The following NCR2 variants were observed in gnomAD, a reference collection of about 807,000 sequenced individuals.
NCR2 encodes the protein NK cell activating receptor (NKp44).
NCR2 carries 35 observed loss-of-function variants against 30.7 expected under a neutral mutation model. That is an observed-to-expected ratio of 1.14 (90% CI 0.87 to 1.51). NCR2 has a LOEUF of 1.51. Ranked by LOEUF, NCR2 falls within the 40% of genes most tolerant of loss-of-function variation. The pLI, the probability that NCR2 is intolerant of heterozygous loss-of-function variation, is 0.00. For missense variants in NCR2, 316 were observed against 328.9 expected, an observed-to-expected ratio of 0.96 and a Z score of 0.30; for synonymous variants, 146 against 134.8, an observed-to-expected ratio of 1.08 and a Z score of -0.58.
intron 2 of NCR2, 137 bp from the exon 3 acceptor site, chr6:41,341,657 C>G (rs943318052): frequency 1.8e-6 from 2 of 1,137,400 alleles, no homozygotes; most frequent in African/African-American, 3.1e-5. Flanking sequence ...TCAGTCCCCA[C>G]CCCTCAAATT....
chr6:41,341,907 T>C lies in NCR2; in HGVS notation c.508T>C (p.Ser170Pro), dbSNP rs866969301. ...AGCCAGACAAGCCCCTGAGTCTCCATCTACCATCCCTGTCCCTTCACAGTG... is the reference window on the plus strand; with the variant it reads ...AGCCAGACAAGCCCCTGAGTCTCCACCTACCATCCCTGTCCCTTCACAGTG... The part of the protein sequence containing the change: ...AGARQAPESP[S>P]TIPVPSQPQN... Residue 170 changes from serine (S) to proline (P), a missense_variant, in exon 3 of 5, where the codon TCT becomes CCT. Physicochemically the swap from Ser to Pro is moderately conservative, Grantham distance 74 (BLOSUM62 -1). Coordinates refer to ENST00000373089, the MANE Select transcript of NCR2 (RefSeq NM_004828.4). 6.2e-7 allele frequency: 1 copy of C among 1,614,080 alleles called. No homozygotes were observed. The highest frequency in any genetic ancestry group is 1.1e-5 in the South Asian group (1 of 91,066).
chr6:41,347,876 A>G (rs962697475), intron 4 of NCR2, among the ~76,000 whole-genome samples: 3 of 152,138 alleles, frequency 2.0e-5, no homozygotes, highest in African/African-American at 7.2e-5. Context: ...AAGACGGTGC[A>G]TCCTCATGTG....
chr6:41,341,795 C>T lies in NCR2; in HGVS notation c.396C>T (p.Ala132=), dbSNP rs1769175129. Residue 132 remains alanine (A), a splice_region_variant and synonymous_variant, in exon 3 of 5, where the codon GCC becomes GCT. Transcript: ENST00000373089. ...CACGCTCTTTCTCCTCCCTGGCAGC[C>T]TCTGCCTCCACACAGACCTCCTGGA... ...SVRFYLVVSP[A]SASTQTSWTP... is the part of the protein sequence containing the mutation. 1.2e-6 allele frequency: 2 copies of T among 1,609,120 alleles called. No individual in the cohort carries two copies. The highest frequency in any genetic ancestry group is 1.1e-5 in the South Asian group (1 of 90,804).
intron 2 of NCR2, among the ~76,000 whole-genome samples, chr6:41,337,229 A>G (rs1769054929): frequency 6.6e-6 from 1 of 152,224 alleles, no homozygotes; most frequent in African/African-American, 2.4e-5. Context: ...AAAGATATAT[A>G]AAGTACAAGC....
At chr6:41,342,809 C>A in intron 4 of NCR2, 1 of 898,014 alleles carries the variant, frequency 1.1e-6, no homozygotes, top group South Asian at 1.6e-5. Flanking sequence ...GCAGGGACAA[C>A]TCAGTCAGGC....
chr6:41,339,567 A>G (rs1387862362), intron 2 of NCR2, among the ~76,000 whole-genome samples: 3 of 150,652 alleles, frequency 2.0e-5, no homozygotes, highest in African/African-American at 7.4e-5. Context: ...TTATATTTTT[A>G]CTAGAGATGG....
At chr6:41,344,705 T>A (rs1561943829) in intron 4 of NCR2, among the ~76,000 whole-genome samples, 1 of 152,258 alleles carries the variant, frequency 6.6e-6, no homozygotes, top group African/African-American at 2.4e-5. Flanking sequence ...CTTTCCATAT[T>A]TTCTATGTCC....
chr6:41,344,025 C>G (rs1038364673), intron 4 of NCR2, among the ~76,000 whole-genome samples: 1 of 152,180 alleles, frequency 6.6e-6, no homozygotes, highest in Non-Finnish European at 1.5e-5. Context: ...GCCTCCTCCC[C>G]CTTTCCAAGC....
At position 41,341,827 on chromosome 6, in the gene NCR2, G is replaced by C. The variant is rs142832518; in HGVS notation, c.428G>C (p.Arg143Pro). The C allele has an allele frequency of 1.9e-6, 3 of 1,612,616 alleles. No individual in the cohort carries two copies. Among genetic ancestry groups the C allele is most frequent in the South Asian group, 1.1e-5 (1 of 91,010 alleles). The change falls in exon 3 of 5, where the codon CGC (arginine) becomes CCC (proline). Residue 143 changes from arginine (R) to proline (P), a missense_variant. Arg to Pro is a moderately radical substitution (Grantham distance 103). Coordinates refer to ENST00000373089, the MANE Select transcript of NCR2 (RefSeq NM_004828.4). ...SASTQTSWTP[R>P]DLVSSQTQTQ... is the part of the protein sequence containing the mutation. ...TCCACACAGACCTCCTGGACTCCCC[G>C]CGACCTGGTCTCTTCACAGACCCAG...
intron 4 of NCR2, among the ~76,000 whole-genome samples, chr6:41,343,706 A>C (rs1316973493): frequency 1.3e-5 from 2 of 152,200 alleles, no homozygotes; most frequent in Admixed American, 1.3e-4. Context: ...GTAAAAGGTT[A>C]AAGCAGAGGG....
chr6:41,348,033 C>T lies in NCR2; in HGVS notation c.645-2645C>T, dbSNP rs896268447. 7.9e-5 allele frequency among the ~76,000 whole-genome samples: 12 copies of T among 152,184 alleles called. No individual in the cohort carries two copies. In the East Asian group the frequency reaches 2.3e-3, roughly 29 times the overall value. On this transcript the variant is annotated intron_variant, in intron 4 of 4. Coordinates refer to ENST00000373089, the MANE Select transcript of NCR2 (RefSeq NM_004828.4). The stretch of plus-strand genomic sequence containing the variant: ...TAACCTAGTCTCTGAAATCACAAAC[C>T]GTTGCTTCTGCCATATTCTACTCAT...
intron 4 of NCR2, chr6:41,343,024 G>C (rs1234758311): frequency 4.5e-6 from 7 of 1,550,314 alleles, no homozygotes; most frequent in South Asian, 2.4e-5. Context: ...CAGGGCACCA[G>C]GTGGGCGGCC....
intron 2 of NCR2, among the ~76,000 whole-genome samples, chr6:41,339,211 G>A (rs1001387212): frequency 7.9e-5 from 12 of 151,978 alleles, no homozygotes; most frequent in Admixed American, 7.9e-4. Flanking sequence ...ACAGGCGCCT[G>A]CCACCACACC....
intron 4 of NCR2, chr6:41,342,878 G>C: frequency 6.6e-7 from 1 of 1,523,356 alleles, no homozygotes; most frequent in South Asian, 1.2e-5. Flanking sequence ...GTGTGAGAAC[G>C]GATTCAAGTC....
intron 4 of NCR2, among the ~76,000 whole-genome samples, chr6:41,344,440 C>A (rs944163791): frequency 3.3e-5 from 5 of 152,216 alleles, no homozygotes; most frequent in African/African-American, 1.2e-4. Context: ...CGATGTTGGA[C>A]CTACCAGACT....
intron 2 of NCR2, among the ~76,000 whole-genome samples, chr6:41,337,490 A>C (rs2114047910): frequency 6.6e-6 from 1 of 152,286 alleles, no homozygotes; most frequent in Admixed American, 6.5e-5. Context: ...CTTCAAACAA[A>C]CACCCTGTCT....
At chr6:41,337,970 G>A (rs534670587) in intron 2 of NCR2, among the ~76,000 whole-genome samples, 5 of 152,310 alleles carry the variant, frequency 3.3e-5, no homozygotes, top group South Asian at 2.1e-4. Context: ...GAGCACTTGT[G>A]AAGATATGCA....
intron 4 of NCR2, among the ~76,000 whole-genome samples, chr6:41,344,728 T>A (rs1769257388): frequency 6.6e-6 from 1 of 152,238 alleles, no homozygotes; most frequent in Non-Finnish European, 1.5e-5. Flanking sequence ...CAAGTGCCCA[T>A]CATATCTTTT....
At position 41,335,708 on chromosome 6, in the gene NCR2, C is replaced by G. The variant is rs763110513; in HGVS notation, c.-169C>G. ...CTGGAGATCCCCACTTCCCTGTGCC[C>G]ACAGAATCTGCCCTTTGCAGTCTCC... On this transcript the variant is annotated 5_prime_UTR_variant, in exon 1 of 5. Coordinates refer to ENST00000373089, the MANE Select transcript of NCR2 (RefSeq NM_004828.4). 49 of 742,478 alleles carry G rather than the reference C, an allele frequency of 6.6e-5. No individual in the cohort carries two copies. Among genetic ancestry groups the G allele is most frequent in the Non-Finnish European group, 1.0e-4 (45 of 430,072 alleles). The allele number at this position is 742,478 out of a possible 1,614,324, so 46.0% of individuals were successfully genotyped here.
Sources: allele counts gnomAD v4.1 joint callset (sites outside exome capture counted in the v4.1 genomes callset), GRCh38; gene constraint gnomAD v4.1.1; transcripts MANE v1.5; gene names NCBI Gene and HGNC (gene_info 2026-07-23, HGNC 2026-07-21).